The following SAMMSON variants were observed in gnomAD, a reference collection of about 807,000 sequenced individuals.
The protein encoded by SAMMSON is long intergenic non-protein coding RNA 1212.
intron 3 of SAMMSON, among the ~76,000 whole-genome samples, chr3:70,034,229 C>T (rs972255639): frequency 1.3e-5 from 2 of 152,096 alleles, no homozygotes; most frequent in African/African-American, 4.8e-5. Context: ...ACCTATATTT[C>T]CAACACATTT....
intron 6 of SAMMSON, chr3:70,272,202 T>G (rs1701982260): frequency 6.6e-6 from 1 of 152,198 alleles, no homozygotes; most frequent in Non-Finnish European, 1.5e-5. Flanking sequence ...TAGTGGGGGT[T>G]TGACAAAAGT....
chr3:70,113,070 T>C (rs143714635), intron 4 of SAMMSON, among the ~76,000 whole-genome samples: 21 of 152,294 alleles, frequency 1.4e-4, no homozygotes, highest in African/African-American at 4.8e-4. Flanking sequence ...TGCCACAGGA[T>C]TAGTTTTCAC....
At chr3:70,185,855 T>C (rs935550898) in intron 4 of SAMMSON, among the ~76,000 whole-genome samples, 18 of 151,056 alleles carry the variant, frequency 1.2e-4, no homozygotes, top group Non-Finnish European at 2.2e-4. Context: ...TGTGTACCTG[T>C]AGTCCCAACT....
intron 6 of SAMMSON, among the ~76,000 whole-genome samples, chr3:70,277,745 G>C (rs1295964852): frequency 6.6e-6 from 1 of 152,136 alleles, no homozygotes; most frequent in Non-Finnish European, 1.5e-5. Flanking sequence ...ACAGGGAGGG[G>C]TGTGCTTGAG....
chr3:70,060,358 C>A (rs1183983932), intron 3 of SAMMSON, among the ~76,000 whole-genome samples: 2 of 152,008 alleles, frequency 1.3e-5, no homozygotes, highest in Admixed American at 6.6e-5. Context: ...GCAGGAGAGT[C>A]TGGGAGGCAA....
intron 4 of SAMMSON, among the ~76,000 whole-genome samples, chr3:70,147,383 A>C (rs929190712): frequency 6.6e-6 from 1 of 152,064 alleles, no homozygotes; most frequent in African/African-American, 2.4e-5. Flanking sequence ...AAAAAGAATA[A>C]ATCCAGAAGA....
chr3:70,328,192 C>T (rs1455025659), intron 7 of SAMMSON, among the ~76,000 whole-genome samples: 2 of 152,142 alleles, frequency 1.3e-5, no homozygotes, highest in Non-Finnish European at 2.9e-5. Context: ...TGTGTCCCTT[C>T]CACAACACGT....
intron 4 of SAMMSON, among the ~76,000 whole-genome samples, chr3:70,208,738 C>G (rs1294491521): frequency 6.6e-6 from 1 of 152,070 alleles, no homozygotes; most frequent in Middle Eastern, 3.2e-3. Flanking sequence ...TTTCCAAAGA[C>G]TCCTAACTGG....
intron 2 of SAMMSON, among the ~76,000 whole-genome samples, chr3:70,414,714 T>C (rs1431048323): frequency 2.0e-5 from 3 of 152,162 alleles, no homozygotes; most frequent in African/African-American, 4.8e-5. Flanking sequence ...GTTTTCTCAT[T>C]TGTAAAATGA....
intron 3 of SAMMSON, among the ~76,000 whole-genome samples, chr3:70,027,387 T>C (rs2067045157): frequency 6.6e-6 from 1 of 152,214 alleles, no homozygotes; most frequent in Non-Finnish European, 1.5e-5. Context: ...GAGAATCTAC[T>C]GAAAAATTTA....
intron 4 of SAMMSON, among the ~76,000 whole-genome samples, chr3:70,100,515 TGGGGGGGGG>T (rs71620115): frequency 0.17 from 24,748 of 146,658 alleles, 3,530 homozygotes; most frequent in African/African-American, 0.37. Context: ...CTTGAAAGAG[TGGGGGGGGG>T]GGGGGGGGGA....
At chr3:70,215,093 A>G (rs1405603059) in intron 4 of SAMMSON, among the ~76,000 whole-genome samples, 2 of 152,172 alleles carry the variant, frequency 1.3e-5, no homozygotes, top group Admixed American at 1.3e-4. Context: ...TGTTAAAACC[A>G]TCACAATTTA....
At chr3:70,125,689 A>C (rs1437488533) in intron 4 of SAMMSON, 1 of 696,430 alleles carries the variant, frequency 1.4e-6, no homozygotes, top group Non-Finnish European at 2.6e-6. Flanking sequence ...TGGTTGGTCA[A>C]ATACATCCGA....
At chr3:70,194,401 T>A (rs1465814222) in intron 4 of SAMMSON, among the ~76,000 whole-genome samples, 1 of 152,248 alleles carries the variant, frequency 6.6e-6, no homozygotes, top group African/African-American at 2.4e-5. Context: ...CCCTTTTTGA[T>A]CTGCCTTACT....
chr3:70,377,744 C>T (rs1396269557), intron 9 of SAMMSON, among the ~76,000 whole-genome samples: 1 of 151,922 alleles, frequency 6.6e-6, no homozygotes, highest in Non-Finnish European at 1.5e-5. Context: ...AAAAAGAATA[C>T]TAGCTATAAT....
At chr3:70,097,718 T>C (rs1489323792) in intron 4 of SAMMSON, among the ~76,000 whole-genome samples, 5 of 152,190 alleles carry the variant, frequency 3.3e-5, no homozygotes, top group African/African-American at 1.2e-4. Context: ...TCTGGTCACA[T>C]ATTCATTGTG....
intron 7 of SAMMSON, among the ~76,000 whole-genome samples, chr3:70,309,050 A>G (rs1239391748): frequency 6.6e-6 from 1 of 152,182 alleles, no homozygotes; most frequent in African/African-American, 2.4e-5. Flanking sequence ...GAACAACTGA[A>G]AGTATCTGTA....
intron 2 of SAMMSON, among the ~76,000 whole-genome samples, chr3:70,414,177 C>A (rs924278053): frequency 2.0e-5 from 3 of 151,992 alleles, no homozygotes; most frequent in African/African-American, 7.2e-5. Flanking sequence ...CAAATTTTGA[C>A]AAGTATAAAA....
At chr3:70,367,514 A>G (rs1702931398) in intron 9 of SAMMSON, among the ~76,000 whole-genome samples, 2 of 151,606 alleles carry the variant, frequency 1.3e-5, no homozygotes, top group East Asian at 1.9e-4. Flanking sequence ...ATTTAACCTA[A>G]TGTCCTCCAG....
Sources: allele counts gnomAD v4.1 joint callset (sites outside exome capture counted in the v4.1 genomes callset), GRCh38; gene constraint gnomAD v4.1.1; transcripts MANE v1.5; gene names NCBI Gene and HGNC (gene_info 2026-07-23, HGNC 2026-07-21).